Variants in CCDC25 observed in about 807,000 individuals in gnomAD.
CCDC25 encodes the protein coiled-coil domain containing 25.
In CCDC25, 16 loss-of-function variants were observed where a neutral mutation model predicts 35.3. The ratio of observed to expected loss-of-function variants is 0.45; its 90% CI spans 0.31 to 0.69. The LOEUF (loss-of-function observed/expected upper bound fraction) is 0.69, where lower values mean the gene tolerates loss of function less well. CCDC25 is among the 30% of genes least tolerant of loss of function. CCDC25 has a pLI of 0.06. For missense variants in CCDC25, 179 were observed against 250.7 expected (o/e 0.71, Z 1.93); for synonymous variants, 79 against 80.3 (o/e 0.98, Z 0.09).
chr8:27,756,954 C>T (rs1165681497), intron 3 of CCDC25, among the ~76,000 whole-genome samples, 184 bp from the exon 4 acceptor site: 4 of 152,028 alleles, frequency 2.6e-5, no homozygotes, highest in Non-Finnish European at 4.4e-5. Context: ...TGAAGAGGTA[C>T]GAGAAACACT....
chr8:27,760,671 C>G (rs777056251), intron 3 of CCDC25, among the ~76,000 whole-genome samples: 1 of 152,088 alleles, frequency 6.6e-6, no homozygotes, highest in Admixed American at 6.5e-5. Context: ...TGTCTCAGGC[C>G]CTAGGAAGGC....
At chr8:27,768,557 T>G (rs905639258) in intron 1 of CCDC25, among the ~76,000 whole-genome samples, 11 of 114,892 alleles carry the variant, frequency 9.6e-5, no homozygotes, top group Non-Finnish European at 1.9e-4. Flanking sequence ...AGAGCAAGAC[T>G]CCATCTCAAA....
Position 27,748,227 on chromosome 8 carries a change from T to G in CCDC25, c.401A>C (p.Glu134Ala). The G allele has an allele frequency of 6.2e-7, 1 of 1,614,122 alleles. No individual in the cohort carries two copies. The highest frequency in any genetic ancestry group is 1.1e-5 in the South Asian group (1 of 91,076). ...TGGGAACCGCTCGACTTTGGTCTTTTCTAATCGGTTCAGGATCTCATTTAC... is the reference window on the plus strand; with the variant it reads ...TGGGAACCGCTCGACTTTGGTCTTTGCTAATCGGTTCAGGATCTCATTTAC... Reference protein sequence around the residue: ...KKVNEILNRLEKTKVERFPDL... With the variant: ...KKVNEILNRLAKTKVERFPDL... The change falls in exon 7 of 9, where the codon GAA becomes GCA. Residue 134 changes from glutamate to alanine, a missense_variant. Physicochemically the swap from Glu to Ala is moderately radical, Grantham distance 107. Coordinates refer to ENST00000356537, the MANE Select transcript of CCDC25 (RefSeq NM_018246.3).
chr8:27,769,150 T>C (rs1804502502), intron 1 of CCDC25, among the ~76,000 whole-genome samples: 1 of 152,258 alleles, frequency 6.6e-6, no homozygotes, highest in African/African-American at 2.4e-5. Flanking sequence ...ACTGCCAATA[T>C]GTAAAGTCTC....
intron 1 of CCDC25, among the ~76,000 whole-genome samples, chr8:27,770,422 G>A (rs898004962): frequency 2.7e-5 from 4 of 150,792 alleles, no homozygotes; most frequent in South Asian, 2.1e-4. Flanking sequence ...GCAAGACTCC[G>A]TCTCAAAAAT....
chr8:27,769,018 C>T (rs1333068301), intron 1 of CCDC25, among the ~76,000 whole-genome samples: 1 of 152,160 alleles, frequency 6.6e-6, no homozygotes, highest in Non-Finnish European at 1.5e-5. Flanking sequence ...GAACAACTTC[C>T]TATGAAGATT....
At chr8:27,736,505 A>T (rs1427562512) in intron 8 of CCDC25, among the ~76,000 whole-genome samples, 1 of 152,208 alleles carries the variant, frequency 6.6e-6, no homozygotes, top group African/African-American at 2.4e-5. Flanking sequence ...TAAATAATGC[A>T]GTAAGTCCCA....
intron 6 of CCDC25, 39 bp downstream of exon 6, chr8:27,748,456 A>G (rs1160692759): frequency 6.7e-7 from 1 of 1,490,032 alleles, no homozygotes; most frequent in Non-Finnish European, 9.4e-7. Flanking sequence ...TCCATTCAGT[A>G]TCAGGGCTCC....
At chr8:27,772,466 GGAGCCCGCTGTCCAGCA>G in intron 1 of CCDC25, 30 bp downstream of exon 1, 1 of 1,542,900 alleles carries the variant, frequency 6.5e-7, no homozygotes, top group Non-Finnish European at 8.8e-7. Flanking sequence ...TCCCGGCTTC[GGAGCCCGCTGTCCAGCA>G]GGGTCCAGGA....
intron 4 of CCDC25, chr8:27,756,436 TGAAA>T: frequency 3.1e-6 from 1 of 323,174 alleles, no homozygotes; most frequent in Non-Finnish European, 5.7e-6. Flanking sequence ...TCAACTGAAT[TGAAA>T]GAAAAGGAAA....
chr8:27,765,621 T>G (rs72609971), intron 1 of CCDC25, among the ~76,000 whole-genome samples: 1 of 125,708 alleles, frequency 8.0e-6, no homozygotes, highest in East Asian at 2.8e-4. Context: ...TTGCCTTCTT[T>G]AAGAGTTAAA....
At chr8:27,772,184 T>C (rs1417799408) in intron 1 of CCDC25, 1 of 436,486 alleles carries the variant, frequency 2.3e-6, no homozygotes, top group African/African-American at 2.0e-5. Flanking sequence ...GAAGAAGACT[T>C]GGGATAAGGT....
chr8:27,745,517 T>G (rs1260485171), intron 7 of CCDC25, among the ~76,000 whole-genome samples: 1 of 152,192 alleles, frequency 6.6e-6, no homozygotes, highest in Non-Finnish European at 1.5e-5. Context: ...AATGCAAAAT[T>G]AAAACAGGTA....
intron 3 of CCDC25, 113 bp from the exon 4 acceptor site, chr8:27,756,883 T>A (rs543263932): frequency 2.7e-6 from 2 of 742,610 alleles, no homozygotes; most frequent in African/African-American, 1.7e-5. Flanking sequence ...GCCTGCCACA[T>A]GTGAAGCATC....
intron 7 of CCDC25, among the ~76,000 whole-genome samples, chr8:27,746,320 T>C (rs934291413): frequency 1.3e-5 from 2 of 152,194 alleles, no homozygotes; most frequent in Admixed American, 6.5e-5. Context: ...TTCTATAAGA[T>C]GCAGATAAAA....
At chr8:27,744,453 C>A (rs918087002) in intron 7 of CCDC25, among the ~76,000 whole-genome samples, 7 of 152,138 alleles carry the variant, frequency 4.6e-5, no homozygotes, top group African/African-American at 1.7e-4. Context: ...CAGTAGAAGG[C>A]AGTGGCAGTG....
In CCDC25 at chr8:27,737,781, T is replaced by C. The variant is rs1279225230; in HGVS notation, c.598-1536A>G. Among the ~76,000 whole-genome samples, 6 of 152,014 alleles carry C rather than the reference T, an allele frequency of 3.9e-5. No individual in the cohort carries two copies. The highest frequency in any genetic ancestry group is 3.9e-4 in the Admixed American group (6 of 15,266). On this transcript the variant is annotated intron_variant, in intron 8 of 8. Transcript: ENST00000356537. The surrounding 1 kb of genome is among the most constrained non-coding windows in gnomAD (Gnocchi z 4.6). ...TTCAAAAAAGATACTTGCACACACATGTTTACAGTGGCACAATTCACAATT... is the reference window on the plus strand; with the variant it reads ...TTCAAAAAAGATACTTGCACACACACGTTTACAGTGGCACAATTCACAATT...
chr8:27,752,798 G>T, intron 4 of CCDC25: 6 of 254,594 alleles, frequency 2.4e-5, no homozygotes, highest in Non-Finnish European at 2.8e-5. Context: ...TGAAAATATT[G>T]ACACTTAATA....
intron 1 of CCDC25, among the ~76,000 whole-genome samples, chr8:27,771,636 C>A (rs1027766226): frequency 1.3e-5 from 2 of 152,132 alleles, no homozygotes; most frequent in Non-Finnish European, 2.9e-5. Context: ...ATCCTGTCCA[C>A]GCCCTCAAGG....
Sources: gnomAD v4.1 joint callset for allele counts (sites outside exome capture counted in the v4.1 genomes callset) on GRCh38, gnomAD v4.1.1 for gene constraint, Gnocchi (gnomAD v3.1) non-coding constraint, MANE v1.5 for transcripts, NCBI Gene and HGNC (gene_info 2026-07-23, HGNC 2026-07-21) for gene names.